SAMD5: variants seen among roughly 807,000 people sequenced by gnomAD.
SAMD5 encodes the protein sterile alpha motif domain-containing protein 5.
In SAMD5, 13 loss-of-function variants were observed where a neutral mutation model predicts 11.3. The ratio of observed to expected loss-of-function variants is 1.15; its 90% confidence interval spans 0.75 to 1.83. The LOEUF is 1.83. Ranked by LOEUF, SAMD5 falls within the 40% of genes most tolerant of loss-of-function variation. The pLI, the probability that SAMD5 is intolerant of heterozygous loss-of-function variation, is 0.00. For synonymous variants in SAMD5, 129 were observed against 111.3 expected, an observed-to-expected ratio of 1.16 and a Z score of -1.00; for missense variants, 255 against 239.1, an observed-to-expected ratio of 1.07 and a Z score of -0.44.
At chr6:147,911,141 G>A in the SAMD5 span, among the ~76,000 whole-genome samples, 1 of 152,202 alleles carries the variant, frequency 6.6e-6, no homozygotes, top group Admixed American at 6.5e-5. Flanking sequence ...GGATAAAATT[G>A]TGGAATGTTT....
intron 1 of SAMD5, among the ~76,000 whole-genome samples, chr6:147,619,222 A>G (rs1438824588): frequency 2.0e-5 from 3 of 152,226 alleles, no homozygotes; most frequent in African/African-American, 7.2e-5. Context: ...ATGAAGCAAG[A>G]CATCTAAAAT....
intron 1 of SAMD5, among the ~76,000 whole-genome samples, chr6:147,522,966 T>C (rs1788277196): frequency 6.6e-6 from 1 of 152,230 alleles, no homozygotes; most frequent in Non-Finnish European, 1.5e-5. Context: ...CTGATTTTAC[T>C]GTTTTTCACA....
chr6:147,880,261 TC>T, the SAMD5 span, among the ~76,000 whole-genome samples: 1 of 151,982 alleles, frequency 6.6e-6, no homozygotes, highest in East Asian at 1.9e-4. Context: ...TAAGTACAAG[TC>T]AGTTCCTCTC....
intron 1 of SAMD5, among the ~76,000 whole-genome samples, chr6:147,609,282 C>A (rs1355414934): frequency 1.3e-5 from 2 of 152,174 alleles, no homozygotes; most frequent in South Asian, 2.1e-4. Context: ...ACAGGGGGAG[C>A]ACTTTGTGAA....
chr6:147,622,978 T>G (rs1789994100), intron 1 of SAMD5, among the ~76,000 whole-genome samples: 1 of 152,112 alleles, frequency 6.6e-6, no homozygotes, highest in South Asian at 2.1e-4. Flanking sequence ...GGGAACAGTA[T>G]GGGGGAAACA....
intron 1 of SAMD5, among the ~76,000 whole-genome samples, chr6:147,512,281 A>T (rs1562309567): frequency 1.3e-5 from 2 of 152,098 alleles, no homozygotes; most frequent in Admixed American, 1.3e-4. Context: ...TTTGATGTGC[A>T]TTTGGAATTC....
At chr6:147,803,113 G>A in the SAMD5 span, among the ~76,000 whole-genome samples, 1 of 148,498 alleles carries the variant, frequency 6.7e-6, no homozygotes, top group African/African-American at 2.5e-5. Flanking sequence ...TAACATATAA[G>A]ACTTTTGGCC....
At chr6:147,878,702 T>C in the SAMD5 span, among the ~76,000 whole-genome samples, 1 of 151,176 alleles carries the variant, frequency 6.6e-6, no homozygotes. Context: ...TGTATAGATA[T>C]ATCTAGCATA....
At chr6:147,666,043 A>G (rs561456928) in intron 1 of SAMD5, among the ~76,000 whole-genome samples, 1 of 152,248 alleles carries the variant, frequency 6.6e-6, no homozygotes, top group Non-Finnish European at 1.5e-5. Context: ...GGTTCAGACG[A>G]TTCTCCCGCC....
intron 1 of SAMD5, among the ~76,000 whole-genome samples, chr6:147,607,511 C>A (rs1040971943): frequency 6.6e-6 from 1 of 151,958 alleles, no homozygotes. Flanking sequence ...AATGGAGAAC[C>A]CAGAAACATG....
chr6:147,861,476 A>T, the SAMD5 span, among the ~76,000 whole-genome samples: 1 of 151,972 alleles, frequency 6.6e-6, no homozygotes, highest in Non-Finnish European at 1.5e-5. Flanking sequence ...CACTGTGATT[A>T]TTTCTAAAAG....
chr6:147,808,515 T>A, the SAMD5 span, among the ~76,000 whole-genome samples: 1 of 152,204 alleles, frequency 6.6e-6, no homozygotes, highest in Admixed American at 6.5e-5. Flanking sequence ...GGTTCAGCAC[T>A]TTCTGTGGCC....
the SAMD5 span, among the ~76,000 whole-genome samples, chr6:147,920,351 C>T: frequency 1.3e-5 from 2 of 152,188 alleles, no homozygotes; most frequent in African/African-American, 4.8e-5. Context: ...AGCTTTTGGA[C>T]TCTTGGACTT....
the SAMD5 span, among the ~76,000 whole-genome samples, chr6:147,940,623 T>C: frequency 6.6e-6 from 1 of 152,194 alleles, no homozygotes; most frequent in South Asian, 2.1e-4. Flanking sequence ...CCACAAAAAC[T>C]GTATCTGCTG....
chr6:147,561,853 G>A (rs1015158936), intron 1 of SAMD5, among the ~76,000 whole-genome samples: 1 of 152,080 alleles, frequency 6.6e-6, no homozygotes, highest in Non-Finnish European at 1.5e-5. Context: ...CGGCGCATTC[G>A]GCACAGGGAA....
chr6:147,890,164 G>T, the SAMD5 span, among the ~76,000 whole-genome samples: 1 of 151,930 alleles, frequency 6.6e-6, no homozygotes, highest in Non-Finnish European at 1.5e-5. Flanking sequence ...GAAAAATATT[G>T]TTGACATGTG....
At chr6:147,517,742 A>G (rs371918125) in intron 1 of SAMD5, among the ~76,000 whole-genome samples, 15 of 152,304 alleles carry the variant, frequency 9.8e-5, no homozygotes, top group African/African-American at 3.4e-4. Context: ...GCAAGCCTTC[A>G]TTCTTATCAG....
chr6:147,589,924 G>C (rs1316763535), intron 1 of SAMD5, among the ~76,000 whole-genome samples: 6 of 152,110 alleles, frequency 3.9e-5, no homozygotes, highest in African/African-American at 1.2e-4. Flanking sequence ...ATTCTTCACA[G>C]ATATTCTAAA....
At chr6:147,542,450 G>A (rs1788622071) in intron 1 of SAMD5, among the ~76,000 whole-genome samples, 1 of 152,214 alleles carries the variant, frequency 6.6e-6, no homozygotes, top group South Asian at 2.1e-4. Context: ...GTGGGAGACT[G>A]GAGTTTTATT....
Sources: allele counts gnomAD v4.1 joint callset (sites outside exome capture counted in the v4.1 genomes callset), GRCh38; gene constraint gnomAD v4.1.1; transcripts MANE v1.5; gene names NCBI Gene and HGNC (gene_info 2026-07-23, HGNC 2026-07-21).